Variants in NIBAN1 observed in about 807,000 individuals in gnomAD.
NIBAN1 encodes the protein protein Niban 1.
In NIBAN1, 81 loss-of-function variants were observed where a neutral mutation model predicts 75.1. That is an observed-to-expected ratio of 1.08 (90% CI 0.90 to 1.30). The LOEUF (loss-of-function observed/expected upper bound fraction) is 1.30, where lower values mean the gene tolerates loss of function less well. NIBAN1 is among the 50% of genes most tolerant of loss of function. NIBAN1 has a pLI of 0.00. For synonymous variants in NIBAN1, 436 were observed against 424.8 expected, an observed-to-expected ratio of 1.03 and a Z score of -0.32; for missense variants, 1,133 against 1,128.1, an observed-to-expected ratio of 1.00 and a Z score of -0.06.
chr1:184,858,597 T>C (rs1179676732), intron 5 of NIBAN1, among the ~76,000 whole-genome samples: 1 of 152,146 alleles, frequency 6.6e-6, no homozygotes. Context: ...TCTCATACAC[T>C]GTAGAAATAT....
At chr1:184,864,628 A>G (rs937282277) in intron 5 of NIBAN1, among the ~76,000 whole-genome samples, 8 of 150,780 alleles carry the variant, frequency 5.3e-5, no homozygotes, top group Admixed American at 1.3e-4. Flanking sequence ...AGGTGACTGT[A>G]AAAAAAAATA....
At chr1:184,837,652 G>C (rs1355590889) in intron 5 of NIBAN1, among the ~76,000 whole-genome samples, 2 of 152,150 alleles carry the variant, frequency 1.3e-5, no homozygotes, top group African/African-American at 2.4e-5. Context: ...GCCCCGGCTT[G>C]ATTATTTCCA....
chr1:184,908,247 A>G (rs1219797276), intron 1 of NIBAN1, among the ~76,000 whole-genome samples: 3 of 152,236 alleles, frequency 2.0e-5, no homozygotes, highest in African/African-American at 4.8e-5. Flanking sequence ...AAGGCATTCA[A>G]TGAATCCTCA....
chr1:184,811,496 T>C (rs1038753969), intron 9 of NIBAN1, among the ~76,000 whole-genome samples: 2 of 132,012 alleles, frequency 1.5e-5, no homozygotes, highest in African/African-American at 6.2e-5. Context: ...TGAGGTACTT[T>C]CTTCCTTTTT....
At chr1:184,944,862 G>T (rs895754523) in intron 1 of NIBAN1, among the ~76,000 whole-genome samples, 1 of 152,170 alleles carries the variant, frequency 6.6e-6, no homozygotes, top group Admixed American at 6.5e-5. Context: ...AATAATTACT[G>T]GGATTTAGTG....
intron 5 of NIBAN1, among the ~76,000 whole-genome samples, chr1:184,841,374 G>A (rs577673696): frequency 2.0e-5 from 3 of 152,304 alleles, no homozygotes; most frequent in East Asian, 1.9e-4. Flanking sequence ...TCATAAATGC[G>A]AAATATAACA....
intron 1 of NIBAN1, among the ~76,000 whole-genome samples, chr1:184,948,505 A>C (rs1170919859): frequency 6.6e-6 from 1 of 152,200 alleles, no homozygotes; most frequent in Non-Finnish European, 1.5e-5. Flanking sequence ...AATTATTCAC[A>C]TTTTGACACC....
At chr1:184,867,369 C>T (rs567712091) in intron 5 of NIBAN1, among the ~76,000 whole-genome samples, 2 of 152,276 alleles carry the variant, frequency 1.3e-5, no homozygotes, top group African/African-American at 2.4e-5. Context: ...AAGATACAAA[C>T]CACCTATGTT....
chr1:184,807,554 G>T (rs763888200), intron 10 of NIBAN1, among the ~76,000 whole-genome samples: 10 of 152,142 alleles, frequency 6.6e-5, no homozygotes, highest in Non-Finnish European at 1.2e-4. Context: ...TTGGGAGGCC[G>T]AGGTGGGCAG....
intron 1 of NIBAN1, among the ~76,000 whole-genome samples, chr1:184,965,448 T>A (rs756780131): frequency 6.6e-6 from 1 of 152,232 alleles, no homozygotes; most frequent in Non-Finnish European, 1.5e-5. Context: ...TCTTTGCTAC[T>A]GTGAATAGTG....
At chr1:184,802,167 A>T (rs1183476736) in intron 12 of NIBAN1, among the ~76,000 whole-genome samples, 1 of 152,250 alleles carries the variant, frequency 6.6e-6, no homozygotes, top group African/African-American at 2.4e-5. Context: ...CAGATTTTTA[A>T]AAAGCTCTTG....
intron 1 of NIBAN1, among the ~76,000 whole-genome samples, chr1:184,930,836 GA>G (rs1657799174): frequency 2.6e-5 from 4 of 152,082 alleles, no homozygotes; most frequent in Non-Finnish European, 5.9e-5. Flanking sequence ...ATGGTTTTAT[GA>G]CACATTAGTG....
intron 6 of NIBAN1, among the ~76,000 whole-genome samples, chr1:184,830,867 G>C (rs975836453): frequency 5.3e-5 from 8 of 152,034 alleles, no homozygotes; most frequent in African/African-American, 1.7e-4. Context: ...AGGAGTGGTG[G>C]CATGCATCTG....
At chr1:184,892,437 G>A (rs1032045693) in intron 3 of NIBAN1, among the ~76,000 whole-genome samples, 4 of 152,186 alleles carry the variant, frequency 2.6e-5, no homozygotes, top group Non-Finnish European at 4.4e-5. Flanking sequence ...CTGAAAGGAC[G>A]TTGTAATGAG....
chr1:184,889,213 G>A (rs79774645), intron 4 of NIBAN1, among the ~76,000 whole-genome samples: 9,517 of 152,168 alleles, frequency 0.063, 1,017 homozygotes, highest in African/African-American at 0.22. Context: ...GTAAAAAGTG[G>A]AATGAATGAG....
chr1:184,884,469 C>A (rs1656459126), intron 5 of NIBAN1, among the ~76,000 whole-genome samples, 164 bp downstream of exon 5: 1 of 152,144 alleles, frequency 6.6e-6, no homozygotes, highest in Non-Finnish European at 1.5e-5. Context: ...TTGTGATTTG[C>A]TGGCCTCAGC....
At chr1:184,837,158 T>C (rs1042517447) in intron 5 of NIBAN1, among the ~76,000 whole-genome samples, 1 of 152,192 alleles carries the variant, frequency 6.6e-6, no homozygotes, top group Non-Finnish European at 1.5e-5. Context: ...ACAGATCTCA[T>C]GGGAACAAAT....
chr1:184,887,061 C>A (rs886069902), intron 4 of NIBAN1, among the ~76,000 whole-genome samples: 2 of 152,126 alleles, frequency 1.3e-5, no homozygotes, highest in African/African-American at 2.4e-5. Context: ...GCAGAGGTTG[C>A]AGTGAGCCGA....
intron 9 of NIBAN1, among the ~76,000 whole-genome samples, chr1:184,817,572 G>A (rs1654573810): frequency 6.6e-6 from 1 of 152,144 alleles, no homozygotes. Flanking sequence ...ATTCTAACTG[G>A]CATGAGGTGA....
Sources: allele counts gnomAD v4.1 joint callset (sites outside exome capture counted in the v4.1 genomes callset), GRCh38; gene constraint gnomAD v4.1.1; transcripts MANE v1.5; gene names NCBI Gene and HGNC (gene_info 2026-07-23, HGNC 2026-07-21).